The following COL28A1 variants were observed in gnomAD, a reference collection of about 807,000 sequenced individuals.
COL28A1 encodes collagen type XXVIII alpha 1 chain.
COL28A1 carries 161 observed loss-of-function variants against 150.2 expected under a neutral mutation model. The ratio of observed to expected loss-of-function variants is 1.07; its 90% CI spans 0.94 to 1.22. The LOEUF is 1.22. Ranked by LOEUF, COL28A1 falls within the 50% of genes most tolerant of loss-of-function variation. The pLI is 0.00. For synonymous variants in COL28A1, 552 were observed against 469.7 expected, an observed-to-expected ratio of 1.18 and a Z score of -2.26; for missense variants, 1,617 against 1,388.3, an observed-to-expected ratio of 1.16 and a Z score of -2.62.
Position 7,452,388 on chromosome 7 carries a change from C to T in COL28A1, c.1441-1G>A. The T allele has an allele frequency of 6.3e-7, 1 of 1,594,342 alleles. No individual in the cohort carries two copies. The highest frequency in any genetic ancestry group is 8.5e-7 in the Non-Finnish European group (1 of 1,175,420). On this transcript the variant is annotated splice_acceptor_variant, in intron 17 of 34. Coordinates refer to ENST00000399429, the MANE Select transcript of COL28A1 (RefSeq NM_001037763.3). LOFTEE classifies it high-confidence loss of function. ...TAGGTCCCATTTGGCCTACTTCTCCCTAGTAAGAAAAGAGTTTAATACAGC... is the reference window on the plus strand; with the variant it reads ...TAGGTCCCATTTGGCCTACTTCTCCTTAGTAAGAAAAGAGTTTAATACAGC...
rs770145848 is a variant in COL28A1, at chr7:7,452,319, C to A, written c.1509G>T (p.Lys503Asn). The change falls in exon 18 of 35, where the codon AAG becomes AAT. Residue 503 changes from lysine to asparagine, a missense_variant and splice_region_variant. Transcript: ENST00000399429. ...GPVGIGVQGP[K>N]GEPGSIGLPG... ...CACTTCTGAGCAGCAGTCAACTCACCTTTGGACCTTGTACTCCAATTCCCA... is the reference window on the plus strand; with the variant it reads ...CACTTCTGAGCAGCAGTCAACTCACATTTGGACCTTGTACTCCAATTCCCA... 6.2e-7 allele frequency: 1 copy of A among 1,604,368 alleles called. No individual in the cohort carries two copies. The highest frequency in any genetic ancestry group is 1.1e-5 in the South Asian group (1 of 88,672).
intron 18 of COL28A1, among the ~76,000 whole-genome samples, chr7:7,446,539 A>G (rs948214135): frequency 6.6e-6 from 1 of 152,226 alleles, no homozygotes; most frequent in African/African-American, 2.4e-5. Flanking sequence ...TTTGAAGAAC[A>G]GTTATTCCCT....
At position 7,358,557 on chromosome 7, in the gene COL28A1, G is replaced by A. The variant is rs1780453089; in HGVS notation, c.*76C>T. 1.6e-6 allele frequency: 2 copies of A among 1,283,344 alleles called. No homozygotes were observed. The highest frequency in any genetic ancestry group is 1.1e-6 in the Non-Finnish European group (1 of 895,910). 79.5% of individuals were successfully genotyped at this position (1,283,344 alleles called of 1,614,324 possible). A position where few individuals can be genotyped will look rare whatever the true frequency, so the allele number is the denominator to read the frequency against. On this transcript the variant is annotated 3_prime_UTR_variant, in exon 35 of 35. Transcript: ENST00000399429. Reference sequence around the variant, plus strand: ...TACTCAGTATACACTCAAATATAGTGCTGTATTTGTATTGGGTGAATATGT... The same window carrying A: ...TACTCAGTATACACTCAAATATAGTACTGTATTTGTATTGGGTGAATATGT...
the COL28A1 span, among the ~76,000 whole-genome samples, chr7:7,346,720 A>T: frequency 6.6e-6 from 1 of 152,102 alleles, no homozygotes. Flanking sequence ...TTGGAAACTC[A>T]TTTAAGCTCA....
chr7:7,457,805 G>T (rs1405709403), intron 15 of COL28A1, among the ~76,000 whole-genome samples: 1 of 152,124 alleles, frequency 6.6e-6, no homozygotes, highest in Non-Finnish European at 1.5e-5. Context: ...TACCAACAGG[G>T]CAAATTAGTT....
chr7:7,512,564 C>T (rs1781202694), intron 8 of COL28A1, among the ~76,000 whole-genome samples: 1 of 152,006 alleles, frequency 6.6e-6, no homozygotes, highest in Admixed American at 6.6e-5. Context: ...GAATTGGGAC[C>T]TCTGAATACT....
rs534455204 is a variant in COL28A1, at chr7:7,532,037, C to T, written c.125-133G>A. On this transcript the variant is annotated intron_variant, in intron 2 of 34. Transcript: ENST00000399429. The stretch of plus-strand genomic sequence containing the variant: ...CAGCGTGAGGAGAGAAAGAGAGACA[C>T]GTTGGACAGAAGGCTTCAATTGTAA... The T allele has an allele frequency of 6.0e-5, 34 of 568,674 alleles. No individual in the cohort carries two copies. The South Asian group carries it at 7.6e-4, about 13-fold the overall frequency. The allele number at this position is 568,674 out of a possible 1,614,324, so 35.2% of individuals were successfully genotyped here.
chr7:7,510,680 G>C (rs1481949559), intron 9 of COL28A1, among the ~76,000 whole-genome samples: 2 of 152,138 alleles, frequency 1.3e-5, no homozygotes, highest in Non-Finnish European at 2.9e-5. Context: ...GCACCACACT[G>C]TTTATAACTA....
In COL28A1 at chr7:7,497,987, A is replaced by C. The variant is rs74499252; in HGVS notation, c.1027-7341T>G. Among the ~76,000 whole-genome samples the C allele has an allele frequency of 5.4e-3, 823 of 152,290 alleles. 9 individuals are homozygous for C. The highest frequency in any genetic ancestry group is 0.019 in the African/African-American group (790 of 41,562). ...AAAGTCCAGTCCATATACTCTACGT[A>C]CTTGTGCTTTCTAAAGCAGAAAAAG... On this transcript the variant is annotated intron_variant, in intron 11 of 34. Transcript: ENST00000399429.
chr7:7,479,989 T>C (rs1789256006), intron 13 of COL28A1, among the ~76,000 whole-genome samples: 1 of 152,202 alleles, frequency 6.6e-6, no homozygotes, highest in African/African-American at 2.4e-5. Flanking sequence ...AGGCTTCACT[T>C]GCCAGAGAAA....
Position 7,531,845 on chromosome 7 carries a change from C to G in COL28A1, c.184G>C (p.Ala62Pro), listed in dbSNP as rs767856902. ...AAATCTTTCTGTTTATCAAAGAGGG[C>G]AATTTTAGAACTTTCAGAGCTGTCC... ...IVDSSESSKI[A>P]LFDKQKDFVD... Residue 62 changes from alanine (A) to proline (P), a missense_variant, in exon 3 of 35, where the codon GCC becomes CCC. Physicochemically the swap from Ala to Pro is conservative, Grantham distance 27. Transcript: ENST00000399429. 4 of 1,608,392 alleles carry G rather than the reference C, an allele frequency of 2.5e-6. No individual in the cohort carries two copies. The highest frequency in any genetic ancestry group is 1.7e-4 in the Middle Eastern group (1 of 6,050).
intron 13 of COL28A1, among the ~76,000 whole-genome samples, chr7:7,484,281 A>C (rs1421293345): frequency 6.6e-6 from 1 of 152,228 alleles, no homozygotes; most frequent in Admixed American, 6.5e-5. Context: ...GGTTGCCAGC[A>C]GACAATGGAA....
At chr7:7,534,004 C>T (rs955932150) in intron 1 of COL28A1, among the ~76,000 whole-genome samples, 1 of 152,126 alleles carries the variant, frequency 6.6e-6, no homozygotes. Flanking sequence ...TTTTTCCAGA[C>T]TCTGAGTAGA....
At chr7:7,474,047 C>G (rs543660926) in intron 15 of COL28A1, among the ~76,000 whole-genome samples, 1 of 133,858 alleles carries the variant, frequency 7.5e-6, no homozygotes, top group Non-Finnish European at 1.5e-5. Flanking sequence ...TATATATATA[C>G]TATATACTCT....
chr7:7,518,415 G>T (rs1158617611), intron 6 of COL28A1, among the ~76,000 whole-genome samples: 1 of 152,060 alleles, frequency 6.6e-6, no homozygotes, highest in Non-Finnish European at 1.5e-5. Context: ...GCTATCCAAG[G>T]CTGCTATATT....
chr7:7,372,933 C>A (rs1781311404), intron 32 of COL28A1, 65 bp downstream of exon 32: 1 of 1,399,118 alleles, frequency 7.1e-7, no homozygotes, highest in South Asian at 1.3e-5. Context: ...CAGGACAAAC[C>A]AGTGATATGG....
intron 6 of COL28A1, among the ~76,000 whole-genome samples, chr7:7,518,685 ATTGTT>A (rs1344625067): frequency 6.6e-6 from 1 of 152,178 alleles, no homozygotes; most frequent in East Asian, 1.9e-4. Flanking sequence ...ACTAGTTATT[ATTGTT>A]TTAATATTGC....
intron 11 of COL28A1, among the ~76,000 whole-genome samples, chr7:7,492,881 AT>A (rs928517411): frequency 3.3e-5 from 5 of 150,668 alleles, no homozygotes; most frequent in African/African-American, 1.2e-4. Flanking sequence ...TTCTATATTG[AT>A]TAAGTTTTCT....
intron 13 of COL28A1, among the ~76,000 whole-genome samples, chr7:7,488,405 T>C (rs766356444): frequency 6.6e-6 from 1 of 152,216 alleles, no homozygotes; most frequent in Admixed American, 6.5e-5. Context: ...AATATACACA[T>C]GTGAGGAACT....
Sources: allele counts gnomAD v4.1 joint callset (sites outside exome capture counted in the v4.1 genomes callset), GRCh38; gene constraint gnomAD v4.1.1; transcripts MANE v1.5; gene names NCBI Gene and HGNC (gene_info 2026-07-23, HGNC 2026-07-21).